Variants in BCAS3 observed in about 807,000 individuals in gnomAD.
BCAS3 encodes the protein BCAS4/BCAS3 fusion.
A neutral mutation model predicts 116.1 loss-of-function variants in BCAS3; 53 were observed. That is an observed-to-expected ratio of 0.46 (90% CI 0.37 to 0.57). The LOEUF is 0.57. Among genes scored for constraint, BCAS3 ranks in the 20% least tolerant of loss-of-function variants. BCAS3 has a pLI of 0.00. For synonymous variants in BCAS3, 391 were observed against 408.2 expected, an observed-to-expected ratio of 0.96 and a Z score of 0.51; for missense variants, 917 against 1,165.4, an observed-to-expected ratio of 0.79 and a Z score of 3.10.
chr17:61,006,791 C>T (rs2064748595), intron 15 of BCAS3, among the ~76,000 whole-genome samples: 1 of 151,910 alleles, frequency 6.6e-6, no homozygotes. Flanking sequence ...TAGGTTGAGG[C>T]TTAAGGTCAA....
intron 22 of BCAS3, among the ~76,000 whole-genome samples, chr17:61,147,276 A>G (rs1601575462): frequency 6.6e-6 from 1 of 151,930 alleles, no homozygotes; most frequent in South Asian, 2.1e-4. Context: ...GGGTTTCTCC[A>G]TGTTGGTCAG....
intron 6 of BCAS3, among the ~76,000 whole-genome samples, chr17:60,772,366 G>A (rs551104051): frequency 1.3e-5 from 2 of 152,050 alleles, no homozygotes; most frequent in South Asian, 2.1e-4. Context: ...TTTGAGAAGG[G>A]TCTGTTCATA....
chr17:61,096,576 G>C (rs1743788918), intron 22 of BCAS3, among the ~76,000 whole-genome samples: 1 of 152,008 alleles, frequency 6.6e-6, no homozygotes, highest in Non-Finnish European at 1.5e-5. Flanking sequence ...AAATGAACTT[G>C]TTTCCAGCAA....
chr17:60,880,442 C>T (rs2056016150), intron 9 of BCAS3, among the ~76,000 whole-genome samples: 1 of 152,138 alleles, frequency 6.6e-6, no homozygotes, highest in Non-Finnish European at 1.5e-5. Context: ...GCGCATGCCA[C>T]CACACCCAGC....
At chr17:60,855,925 C>T (rs1459000761) in intron 7 of BCAS3, among the ~76,000 whole-genome samples, 1 of 152,096 alleles carries the variant, frequency 6.6e-6, no homozygotes, top group East Asian at 1.9e-4. Flanking sequence ...CAAGTGATCC[C>T]GCCTGCCTTG....
At chr17:61,351,031 C>T (rs2057809984) in intron 22 of BCAS3, among the ~76,000 whole-genome samples, 1 of 152,206 alleles carries the variant, frequency 6.6e-6, no homozygotes, top group Non-Finnish European at 1.5e-5. Flanking sequence ...TGGTCCCTTT[C>T]AGACCCATCA....
chr17:60,933,777 T>G (rs1002014816), intron 13 of BCAS3, among the ~76,000 whole-genome samples: 1 of 152,224 alleles, frequency 6.6e-6, no homozygotes, highest in Non-Finnish European at 1.5e-5. Flanking sequence ...TCTGACAGCT[T>G]CTGGTTTATC....
At position 61,198,276 on chromosome 17, in the gene BCAS3, G is replaced by T. The variant is rs1270763072; in HGVS notation, c.2425+113712G>T. Among the ~76,000 whole-genome samples, 1 of 151,932 alleles carries T rather than the reference G, an allele frequency of 6.6e-6. No individual in the cohort carries two copies. The highest frequency in any genetic ancestry group is 1.5e-5 in the Non-Finnish European group (1 of 68,010). ...CTGCCTCAGCCTCCCAAGTAGCTGG[G>T]ACTACAGGCGCCAGCCACCACACCC... On this transcript the variant is annotated intron_variant, in intron 22 of 23. Transcript: ENST00000407086. The surrounding 1 kb of genome is among the most constrained non-coding windows in gnomAD (Gnocchi z 5.0).
Position 60,936,373 on chromosome 17 carries a change from T to C in BCAS3, c.1088-10846T>C, listed in dbSNP as rs1484194762. Among the ~76,000 whole-genome samples, 8 of 152,008 alleles carry C rather than the reference T, an allele frequency of 5.3e-5. No individual in the cohort carries two copies. The South Asian group carries it at 1.5e-3, about 28-fold the overall frequency. On this transcript the variant is annotated intron_variant, in intron 13 of 23. Coordinates refer to ENST00000407086, the MANE Select transcript of BCAS3 (RefSeq NM_017679.5). ...ATTTATAATCCTTTGGGTATATACC[T>C]AGTAATGGGATTGCAGGGTCAAATG...
intron 4 of BCAS3, among the ~76,000 whole-genome samples, chr17:60,703,679 C>T (rs1434159435): frequency 1.5e-4 from 23 of 151,968 alleles, no homozygotes; most frequent in African/African-American, 5.6e-4. Flanking sequence ...CTTTGGGAGG[C>T]CGAGGCGGGT....
intron 6 of BCAS3, among the ~76,000 whole-genome samples, chr17:60,776,085 G>A (rs915288261): frequency 1.3e-5 from 2 of 152,122 alleles, no homozygotes; most frequent in Non-Finnish European, 2.9e-5. Flanking sequence ...TTTAAAGAGA[G>A]ACTTATTTCC....
chr17:60,693,400 A>G (rs1054936189), intron 4 of BCAS3, among the ~76,000 whole-genome samples: 3 of 150,794 alleles, frequency 2.0e-5, no homozygotes, highest in Non-Finnish European at 4.4e-5. Context: ...CATACTTCAT[A>G]CTTGGCCAGT....
intron 22 of BCAS3, among the ~76,000 whole-genome samples, chr17:61,232,224 AAG>A (rs2082731267): frequency 6.6e-6 from 1 of 150,690 alleles, no homozygotes; most frequent in African/African-American, 2.4e-5. Context: ...AAAAAAAAGA[AAG>A]AGAAAAAGAA....
Position 61,333,979 on chromosome 17 carries a change from A to G in BCAS3, c.2426-34348A>G, listed in dbSNP as rs1602764618. ...GATTGAGAGATGAGTCAGCATTCATATATTCATTCATTCATTCATTCAGAT... is the reference window on the plus strand; with the variant it reads ...GATTGAGAGATGAGTCAGCATTCATGTATTCATTCATTCATTCATTCAGAT... On this transcript the variant is annotated intron_variant, in intron 22 of 23. Transcript: ENST00000407086. This position sits in a 1 kb window ranked among gnomAD's most constrained non-coding sequence, Gnocchi z 4.8. 1.3e-5 allele frequency among the ~76,000 whole-genome samples: 2 copies of G among 152,180 alleles called. No homozygotes were observed. The highest frequency in any genetic ancestry group is 2.9e-5 in the Non-Finnish European group (2 of 68,026).
In BCAS3 at chr17:61,251,179, C is replaced by G. The variant is rs1001370625; in HGVS notation, c.2426-117148C>G. Among the ~76,000 whole-genome samples, 1 of 152,332 alleles carries G rather than the reference C, an allele frequency of 6.6e-6. No homozygotes were observed. Among genetic ancestry groups the G allele is most frequent in the South Asian group, 2.1e-4 (1 of 4,830 alleles). On this transcript the variant is annotated intron_variant, in intron 22 of 23. Transcript: ENST00000407086. This position sits in a 1 kb window ranked among gnomAD's most constrained non-coding sequence, Gnocchi z 4.7. ...GAAGGTGAGACATTGGAGGCCTCAG[C>G]CTGGTGTCCCAGACAGTATTTGTCA... is the stretch of plus-strand genomic sequence containing the variant.
chr17:60,688,578 C>T (rs1471092891), intron 3 of BCAS3, among the ~76,000 whole-genome samples: 2 of 152,040 alleles, frequency 1.3e-5, no homozygotes, highest in Non-Finnish European at 2.9e-5. Flanking sequence ...CTTTGGGATG[C>T]CGAGGCGGGG....
rs2050584550 is a variant in BCAS3, at chr17:60,827,979, A to G, written c.476+19903A>G. Among the ~76,000 whole-genome samples the G allele has an allele frequency of 2.0e-5, 3 of 152,232 alleles. No homozygotes were observed. In the South Asian group the frequency reaches 6.2e-4, roughly 32 times the overall value. On this transcript the variant is annotated intron_variant, in intron 7 of 23. Transcript: ENST00000407086. ...TCCATCTAGAACCAGTTCATAAAAC[A>G]ACTAAAAGGCTTGCAGTTTCTCTGT...
chr17:60,947,543 A>T (rs900723758), intron 14 of BCAS3, among the ~76,000 whole-genome samples, 191 bp downstream of exon 14: 1 of 152,132 alleles, frequency 6.6e-6, no homozygotes, highest in African/African-American at 2.4e-5. Flanking sequence ...CTAGATGAAC[A>T]TTTTTTTGTT....
chr17:60,992,644 A>G (rs1002093430), intron 15 of BCAS3, among the ~76,000 whole-genome samples: 2 of 152,232 alleles, frequency 1.3e-5, no homozygotes. Flanking sequence ...TACCCATGTA[A>G]CAAACTTGCA....
Sources: allele counts gnomAD v4.1 joint callset (sites outside exome capture counted in the v4.1 genomes callset), GRCh38; gene constraint gnomAD v4.1.1; non-coding constraint Gnocchi (gnomAD v3.1); transcripts MANE v1.5; gene names NCBI Gene and HGNC (gene_info 2026-07-23, HGNC 2026-07-21).